Variants in CDR2 observed in about 807,000 individuals in gnomAD.
The protein encoded by CDR2 is cerebellar degeneration-related protein 2.
CDR2 carries 34 observed loss-of-function variants against 48.4 expected under a neutral mutation model. The observed-to-expected ratio is 0.70, with a 90% CI of 0.53 to 0.94. The LOEUF (loss-of-function observed/expected upper bound fraction) is 0.94. CDR2 is among the 40% of genes least tolerant of loss of function. The pLI is 0.00. For missense variants in CDR2, 498 were observed against 549.5 expected, an observed-to-expected ratio of 0.91 and a Z score of 0.94; for synonymous variants, 240 against 219.7, an observed-to-expected ratio of 1.09 and a Z score of -0.82.
In CDR2 at chr16:22,346,815, C is replaced by T; in HGVS notation, c.*150G>A. The T allele has an allele frequency of 1.2e-6, 1 of 847,960 alleles. No homozygotes were observed. 52.5% of individuals were successfully genotyped at this position (847,960 alleles called of 1,614,324 possible). A position where few individuals can be genotyped will look rare whatever the true frequency, so the allele number is the denominator to read the frequency against. ...GAGAACTGATACCACTAGCCACCTC[C>T]TTTCCTCGTTGTATGCATTTGCTAA... is the stretch of plus-strand genomic sequence containing the variant. On this transcript the variant is annotated 3_prime_UTR_variant, in exon 5 of 5. Coordinates refer to ENST00000268383, the MANE Select transcript of CDR2 (RefSeq NM_001802.2).
At chr16:22,347,857 C>T (rs2048917978) in intron 4 of CDR2, 34 bp from the exon 5 acceptor site, 1 of 1,551,842 alleles carries the variant, frequency 6.4e-7, no homozygotes, top group Non-Finnish European at 8.7e-7. Flanking sequence ...ATATATTACA[C>T]AGGTCCACTG....
intron 2 of CDR2, among the ~76,000 whole-genome samples, chr16:22,350,602 A>G (rs1045616961): frequency 2.6e-5 from 4 of 152,268 alleles, no homozygotes; most frequent in East Asian, 3.9e-4. Flanking sequence ...CCACAATACC[A>G]TATGTTTATT....
At chr16:22,350,938 T>C (rs566622310) in intron 2 of CDR2, among the ~76,000 whole-genome samples, 1 of 152,318 alleles carries the variant, frequency 6.6e-6, no homozygotes, top group South Asian at 2.1e-4. Flanking sequence ...GCAGGTTTGA[T>C]ACATAGGTAT....
intron 2 of CDR2, among the ~76,000 whole-genome samples, chr16:22,356,689 G>A (rs1339995781): frequency 6.6e-6 from 1 of 152,054 alleles, no homozygotes; most frequent in Non-Finnish European, 1.5e-5. Context: ...GGAGGTGGAG[G>A]TTGCAGTGGG....
At chr16:22,368,260 AG>A (rs1322690654) in intron 1 of CDR2, among the ~76,000 whole-genome samples, 1 of 152,042 alleles carries the variant, frequency 6.6e-6, no homozygotes. Flanking sequence ...CCCAGGCTGG[AG>A]GGCAGTGGTG....
rs28372370 is a variant in CDR2 at position 22,346,995 on chromosome 16, T to C, written c.1335A>G (p.Thr445=). ...KTKQEIDEQR[T]KYRSLSSHS ...AATGAGAGGAGAGTGATCGGTATTTTGTTCTCTGTTCATCTATTTCCTGCT... is the reference window on the plus strand; with the variant it reads ...AATGAGAGGAGAGTGATCGGTATTTCGTTCTCTGTTCATCTATTTCCTGCT... The change falls in exon 5 of 5, where the codon ACA becomes ACG. Residue 445 remains threonine, a synonymous_variant. Coordinates refer to ENST00000268383, the MANE Select transcript of CDR2 (RefSeq NM_001802.2). The C allele has an allele frequency of 1.3e-3, 2,052 of 1,612,842 alleles. 29 individuals carry two copies. The African/African-American group carries it at 0.024, about 19-fold the overall frequency.
At chr16:22,366,671 G>A (rs1027952285) in intron 1 of CDR2, among the ~76,000 whole-genome samples, 3 of 152,250 alleles carry the variant, frequency 2.0e-5, no homozygotes, top group East Asian at 1.9e-4. Flanking sequence ...TCAAATCAGA[G>A]GGGCTCCAAG....
At chr16:22,368,113 C>G (rs1462806072) in intron 1 of CDR2, among the ~76,000 whole-genome samples, 1 of 152,142 alleles carries the variant, frequency 6.6e-6, no homozygotes, top group African/African-American at 2.4e-5. Flanking sequence ...ATAAAGACTT[C>G]CATTAAATCT....
At chr16:22,373,557 G>A (rs1004601628) in intron 1 of CDR2, among the ~76,000 whole-genome samples, 1 of 152,158 alleles carries the variant, frequency 6.6e-6, no homozygotes, top group Non-Finnish European at 1.5e-5. Flanking sequence ...TCCTCATATG[G>A]AAAATGGGAT....
At chr16:22,362,048 C>A (rs2049014022) in intron 2 of CDR2, among the ~76,000 whole-genome samples, 1 of 151,948 alleles carries the variant, frequency 6.6e-6, no homozygotes, top group Admixed American at 6.6e-5. Flanking sequence ...ACTACAGGCG[C>A]CCGCCACCAC....
At chr16:22,355,212 G>C (rs548797764) in intron 2 of CDR2, among the ~76,000 whole-genome samples, 1 of 152,332 alleles carries the variant, frequency 6.6e-6, no homozygotes, top group South Asian at 2.1e-4. Flanking sequence ...ATTGTCTCAA[G>C]TGGTTTTTCC....
In CDR2 at chr16:22,374,295, G is replaced by A. The variant is rs369251026; in HGVS notation, c.15C>T (p.Asn5=). MLAE[N]LVEEFEMKED... Reference sequence around the variant, plus strand: ...CCTTCATCTCAAACTCCTCTACCAGGTTTTCCGCCAGCATCTCGGCTGGGT... The same window carrying A: ...CCTTCATCTCAAACTCCTCTACCAGATTTTCCGCCAGCATCTCGGCTGGGT... The change falls in exon 1 of 5, where the codon AAC becomes AAT. Residue 5 remains asparagine (N), a synonymous_variant. Transcript: ENST00000268383. 2.2e-5 allele frequency: 35 copies of A among 1,598,182 alleles called. No homozygotes were observed. Among genetic ancestry groups the A allele is most frequent in the Non-Finnish European group, 3.0e-5 (35 of 1,173,106 alleles).
At chr16:22,374,052 G>T (rs2141857795) in intron 1 of CDR2, among the ~76,000 whole-genome samples, 179 bp downstream of exon 1, 1 of 152,354 alleles carries the variant, frequency 6.6e-6, no homozygotes, top group East Asian at 1.9e-4. Flanking sequence ...CGTGGGCCCC[G>T]TGCCGAGGCT....
At chr16:22,362,701 A>C (rs1194919757) in intron 2 of CDR2, among the ~76,000 whole-genome samples, 1 of 152,232 alleles carries the variant, frequency 6.6e-6, no homozygotes, top group Non-Finnish European at 1.5e-5. Flanking sequence ...AAAGTCTACG[A>C]AACAAAGTAG....
intron 1 of CDR2, among the ~76,000 whole-genome samples, chr16:22,371,082 G>A (rs1394280321): frequency 5.3e-5 from 8 of 152,048 alleles, no homozygotes; most frequent in African/African-American, 1.9e-4. Flanking sequence ...GTGGTGGCAC[G>A]TGTCTGTAAT....
intron 4 of CDR2, among the ~76,000 whole-genome samples, 155 bp from the exon 5 acceptor site, chr16:22,347,978 G>A (rs1017456143): frequency 2.6e-5 from 4 of 151,188 alleles, no homozygotes; most frequent in African/African-American, 4.9e-5. Context: ...TCACTTTGTC[G>A]CCAGGCTGGA....
intron 2 of CDR2, among the ~76,000 whole-genome samples, chr16:22,355,740 C>T (rs1282851560): frequency 4.6e-5 from 7 of 152,314 alleles, no homozygotes; most frequent in Non-Finnish European, 1.0e-4. Flanking sequence ...TCTGCTTTAA[C>T]CTTTACAAAT....
chr16:22,359,616 T>C (rs879668670), intron 2 of CDR2, among the ~76,000 whole-genome samples: 5 of 152,312 alleles, frequency 3.3e-5, no homozygotes, highest in Admixed American at 1.3e-4. Flanking sequence ...GTAAGCATTA[T>C]CACCATTCCA....
At chr16:22,348,961 T>C (rs1327056166) in intron 4 of CDR2, among the ~76,000 whole-genome samples, 1 of 152,220 alleles carries the variant, frequency 6.6e-6, no homozygotes, top group Non-Finnish European at 1.5e-5. Flanking sequence ...GCTTGAATTT[T>C]TGTTTTACCA....
Sources: allele counts gnomAD v4.1 joint callset (sites outside exome capture counted in the v4.1 genomes callset), GRCh38; gene constraint gnomAD v4.1.1; transcripts MANE v1.5; gene names NCBI Gene and HGNC (gene_info 2026-07-23, HGNC 2026-07-21).